Variants in TRPC7 observed in about 807,000 individuals in gnomAD.
TRPC7 encodes transient receptor potential cation channel subfamily C member 7, also known as short transient receptor potential channel 7.
In TRPC7, 42 loss-of-function variants were observed where a neutral mutation model predicts 90.1. That is an observed-to-expected ratio of 0.47 (90% CI 0.36 to 0.60). TRPC7 has a LOEUF of 0.60. Among genes scored for constraint, TRPC7 ranks in the 20% least tolerant of loss-of-function variants. The pLI is 0.00. For synonymous variants in TRPC7, 451 were observed against 436.3 expected (o/e 1.03, Z -0.42); for missense variants, 955 against 1,112.3 (o/e 0.86, Z 2.01).
At chr5:136,348,446 G>T (rs955150947) in intron 2 of TRPC7, among the ~76,000 whole-genome samples, 2 of 152,048 alleles carry the variant, frequency 1.3e-5, no homozygotes, top group African/African-American at 4.8e-5. Flanking sequence ...TTTCATTTTA[G>T]ACATTGCTGT....
At chr5:136,294,550 C>T (rs1444091730) in intron 3 of TRPC7, among the ~76,000 whole-genome samples, 1 of 152,014 alleles carries the variant, frequency 6.6e-6, no homozygotes, top group Non-Finnish European at 1.5e-5. Context: ...TGCTCATCAT[C>T]CCTGGCCATC....
At chr5:136,362,556 A>G (rs893432038) in intron 1 of TRPC7, among the ~76,000 whole-genome samples, 1 of 152,164 alleles carries the variant, frequency 6.6e-6, no homozygotes, top group African/African-American at 2.4e-5. Flanking sequence ...CTCACAAACT[A>G]TTACATGGTT....
chr5:136,357,049 G>A lies in TRPC7; in HGVS notation c.339C>T (p.Ala113=). 6.2e-7 allele frequency: 1 copy of A among 1,613,578 alleles called. No homozygotes were observed. Residue 113 remains alanine, a synonymous_variant, in exon 2 of 12, where the codon GCC becomes GCT. Coordinates refer to ENST00000513104, the MANE Select transcript of TRPC7 (RefSeq NM_020389.3). ...CGATGCGCACATAGCCCTTGCTGAT[G>A]GCCAGCAGCAGCGCGTCCCCCACCC... ...LARVGDALLL[A]ISKGYVRIVE...
intron 3 of TRPC7, among the ~76,000 whole-genome samples, chr5:136,277,029 C>A (rs564950650): frequency 6.6e-6 from 1 of 152,208 alleles, no homozygotes; most frequent in South Asian, 2.1e-4. Context: ...CTATGGCTCC[C>A]TGCACTACTG....
At position 136,213,355 on chromosome 5, in the gene TRPC7, C is replaced by A; in HGVS notation, c.*80G>T. On this transcript the variant is annotated 3_prime_UTR_variant, in exon 12 of 12. Transcript: ENST00000513104. ...TCCTAGAGGAGTGGGCTGGGGACCC[C>A]TCCCCACCAAGGATGGGGGCGAGGG... is the stretch of plus-strand genomic sequence containing the variant. 6.8e-7 allele frequency: 1 copy of A among 1,474,478 alleles called. No homozygotes were observed. Among genetic ancestry groups the A allele is most frequent in the East Asian group, 2.3e-5 (1 of 42,844 alleles). The allele number at this position is 1,474,478 out of a possible 1,614,324, so 91.3% of individuals were successfully genotyped here.
intron 5 of TRPC7, among the ~76,000 whole-genome samples, chr5:136,260,300 G>A (rs1175286452): frequency 6.6e-6 from 1 of 152,206 alleles, no homozygotes; most frequent in African/African-American, 2.4e-5. Flanking sequence ...ATATAGTATT[G>A]TCAGAGGCGT....
intron 1 of TRPC7, among the ~76,000 whole-genome samples, chr5:136,363,513 G>A (rs1760631614): frequency 6.6e-6 from 1 of 152,022 alleles, no homozygotes; most frequent in Admixed American, 6.6e-5. Flanking sequence ...CTACCCCAAG[G>A]TATACACGAG....
At chr5:136,224,493 C>T (rs1263535525) in intron 10 of TRPC7, among the ~76,000 whole-genome samples, 1 of 152,074 alleles carries the variant, frequency 6.6e-6, no homozygotes, top group Non-Finnish European at 1.5e-5. Context: ...GTGTGCCTCG[C>T]CCTCCCCATA....
Position 136,357,023 on chromosome 5 carries a change from A to ACGATG in TRPC7, c.360_364dup (p.Val122AlafsTer18). 4 of 1,613,080 alleles carry ACGATG rather than the reference A, an allele frequency of 2.5e-6. No individual in the cohort carries two copies. The highest frequency in any genetic ancestry group is 3.4e-6 in the Non-Finnish European group (4 of 1,179,906). On this transcript the variant is annotated frameshift_variant, in exon 2 of 12. Coordinates refer to ENST00000513104, the MANE Select transcript of TRPC7 (RefSeq NM_020389.3). LOFTEE classifies it high-confidence loss of function. ...GGCCGGGTGGTTGAGGATGGCCTCC[A>ACGATG]CGATGCGCACATAGCCCTTGCTGAT...
In TRPC7 at chr5:136,271,580, T is replaced by G. The variant is rs569312667; in HGVS notation, c.1128+3093A>C. Reference sequence around the variant, plus strand: ...TCCTTGTTGAGAGAATAAAGAACTCTTTAGGCAAACAGAGACCTAACTGCT... The same window carrying G: ...TCCTTGTTGAGAGAATAAAGAACTCGTTAGGCAAACAGAGACCTAACTGCT... On this transcript the variant is annotated intron_variant, in intron 4 of 11. Coordinates refer to ENST00000513104, the MANE Select transcript of TRPC7 (RefSeq NM_020389.3). Among the ~76,000 whole-genome samples the G allele has an allele frequency of 2.7e-4, 41 of 152,330 alleles. No individual in the cohort carries two copies. In the East Asian group the frequency reaches 7.9e-3, roughly 29 times the overall value.
In TRPC7 at chr5:136,229,561, G is replaced by C. The variant is rs555340249; in HGVS notation, c.2040+1793C>G. 1.1e-4 allele frequency among the ~76,000 whole-genome samples: 16 copies of C among 152,264 alleles called. 1 individual carries two copies. The South Asian group carries it at 3.1e-3, about 30-fold the overall frequency. On this transcript the variant is annotated intron_variant, in intron 8 of 11. Coordinates refer to ENST00000513104, the MANE Select transcript of TRPC7 (RefSeq NM_020389.3). ...ATGGGGCCCCGATCTTCTTGGACTG[G>C]TGGCAAGGCTGTGTGAGGACACAGC...
chr5:136,277,727 A>T (rs1286153814), intron 3 of TRPC7, among the ~76,000 whole-genome samples: 3 of 152,232 alleles, frequency 2.0e-5, no homozygotes, highest in African/African-American at 7.2e-5. Context: ...ATAGAATAGG[A>T]ACTCAGAAAA....
Position 136,266,392 on chromosome 5 carries a change from A to G in TRPC7, c.1173T>C (p.His391=), listed in dbSNP as rs926259749. The change falls in exon 5 of 12, where the codon CAT becomes CAC. Residue 391 remains histidine, a synonymous_variant. Transcript: ENST00000513104. ...LRSPFMKFVA[H]AVSFTIFLGL... ...CCAAGAAGATTGTAAAAGAAACTGC[A>G]TGAGCTACAAACTTCATGAAAGGGC... is the stretch of plus-strand genomic sequence containing the variant. 1 of 1,613,844 alleles carries G rather than the reference A, an allele frequency of 6.2e-7. No homozygotes were observed. Among genetic ancestry groups the G allele is most frequent in the Non-Finnish European group, 8.5e-7 (1 of 1,179,798 alleles).
intron 5 of TRPC7, among the ~76,000 whole-genome samples, chr5:136,254,868 TAGG>T (rs1756642168): frequency 6.6e-6 from 1 of 152,226 alleles, no homozygotes; most frequent in East Asian, 1.9e-4. Flanking sequence ...AGAATCATGG[TAGG>T]AGGTCAGAAT....
rs145777536 is a variant in TRPC7, at chr5:136,245,194, A to G, written c.1844+2277T>C. ...AGACTGAAACCTAGTCTGTCGGTCC[A>G]TGGGGTACCAAGGCTCCAACATAGC... On this transcript the variant is annotated intron_variant, in intron 7 of 11. Coordinates refer to ENST00000513104, the MANE Select transcript of TRPC7 (RefSeq NM_020389.3). Among the ~76,000 whole-genome samples, 386 of 152,316 alleles carry G rather than the reference A, an allele frequency of 2.5e-3. 3 individuals are homozygous for G. The highest frequency in any genetic ancestry group is 8.9e-3 in the African/African-American group (368 of 41,568).
At chr5:136,325,987 A>T (rs1418666815) in intron 2 of TRPC7, among the ~76,000 whole-genome samples, 1 of 152,202 alleles carries the variant, frequency 6.6e-6, no homozygotes, top group Non-Finnish European at 1.5e-5. Flanking sequence ...CCAAGGCAGG[A>T]CCATCCCTTC....
At chr5:136,225,447 G>A (rs1755595543) in intron 9 of TRPC7, 93 bp from the exon 10 acceptor site, 1 of 1,223,632 alleles carries the variant, frequency 8.2e-7, no homozygotes. Context: ...TCCATATACG[G>A]GGCTGTCTCA....
intron 2 of TRPC7, among the ~76,000 whole-genome samples, chr5:136,340,523 T>C (rs962362162): frequency 7.2e-5 from 11 of 152,174 alleles, no homozygotes; most frequent in Non-Finnish European, 4.4e-5. Context: ...TTATATAATG[T>C]ATACACATAT....
At position 136,214,677 on chromosome 5, in the gene TRPC7, T is replaced by G. The variant is rs75957968; in HGVS notation, c.2420-1073A>C. On this transcript the variant is annotated intron_variant, in intron 11 of 11. Coordinates refer to ENST00000513104, the MANE Select transcript of TRPC7 (RefSeq NM_020389.3). ...GAGACCTACAAGTAGGTAGGTGGGC[T>G]GTTGTCTGCCCCTAAACCATGTCAG... 4.8e-3 allele frequency among the ~76,000 whole-genome samples: 727 copies of G among 152,278 alleles called. 8 individuals carry two copies. The highest frequency in any genetic ancestry group is 0.017 in the African/African-American group (692 of 41,550).
Sources: allele counts gnomAD v4.1 joint callset (sites outside exome capture counted in the v4.1 genomes callset), GRCh38; gene constraint gnomAD v4.1.1; transcripts MANE v1.5; gene names NCBI Gene and HGNC (gene_info 2026-07-23, HGNC 2026-07-21).